The following STAG1 variants were observed in gnomAD, a reference collection of about 807,000 sequenced individuals.
STAG1 encodes the protein STAG1 cohesin complex component, also known as cohesin subunit SA-1.
In STAG1, 26 loss-of-function variants were observed where a neutral mutation model predicts 170.9. That is an observed-to-expected ratio of 0.15 (90% confidence interval 0.11 to 0.21). STAG1 has a LOEUF of 0.21. Ranked by LOEUF, STAG1 falls within the 10% of genes least tolerant of loss-of-function variation. The pLI is 1.00. For missense variants in STAG1, 964 were observed against 1,509.5 expected, an observed-to-expected ratio of 0.64 and a Z score of 5.99; for synonymous variants, 514 against 497.7, an observed-to-expected ratio of 1.03 and a Z score of -0.44.
chr3:136,708,090 A>G (rs879453850), intron 1 of STAG1, among the ~76,000 whole-genome samples: 10 of 152,216 alleles, frequency 6.6e-5, no homozygotes, highest in Non-Finnish European at 1.3e-4. Flanking sequence ...ACAATTTGGC[A>G]TTTCTCAAAA....
intron 16 of STAG1, among the ~76,000 whole-genome samples, chr3:136,425,707 T>A (rs1040122693): frequency 1.3e-5 from 2 of 150,124 alleles, no homozygotes; most frequent in Admixed American, 6.7e-5. Flanking sequence ...TATGTATGTA[T>A]GTTTATATAT....
chr3:136,391,894 T>C (rs1441808863), intron 22 of STAG1, among the ~76,000 whole-genome samples: 1 of 152,208 alleles, frequency 6.6e-6, no homozygotes, highest in East Asian at 1.9e-4. Context: ...GAGGAAAACC[T>C]ATTGGTGAAA....
At chr3:136,652,194 AGTCATAAC>A (rs1553760938) in intron 1 of STAG1, among the ~76,000 whole-genome samples, 5 of 152,254 alleles carry the variant, frequency 3.3e-5, no homozygotes, top group Admixed American at 2.0e-4. Context: ...AACAGCTGCA[AGTCATAAC>A]TTATACAATT....
At chr3:136,475,284 T>C (rs2089721238) in intron 10 of STAG1, among the ~76,000 whole-genome samples, 1 of 151,640 alleles carries the variant, frequency 6.6e-6, no homozygotes, top group Non-Finnish European at 1.5e-5. Flanking sequence ...GTAGCTGAAA[T>C]TACAGGTGCC....
chr3:136,739,865 A>T (rs1559983204), intron 1 of STAG1, among the ~76,000 whole-genome samples: 1 of 152,054 alleles, frequency 6.6e-6, no homozygotes, highest in Non-Finnish European at 1.5e-5. Flanking sequence ...ACACACACAC[A>T]TACACACATA....
rs1559881966 is a variant in STAG1, at chr3:136,565,021, G to GGCAGGCAGGCAGGCAGGCAGGCAC, written c.394+3743_394+3744insGTGCCTGCCTGCCTGCCTGCCTGC. Among the ~76,000 whole-genome samples, 57 of 95,718 alleles carry GGCAGGCAGGCAGGCAGGCAGGCAC rather than the reference G, an allele frequency of 6.0e-4. 3 individuals carry two copies. The highest frequency in any genetic ancestry group is 3.5e-3 in the African/African-American group (53 of 14,968). The allele number at this position is 95,718 out of a possible 152,430, so 62.8% of individuals were successfully genotyped here. A position where few individuals can be genotyped will look rare whatever the true frequency, so the allele number is the denominator to read the frequency against. On this transcript the variant is annotated intron_variant, in intron 5 of 33. Coordinates refer to ENST00000383202, the MANE Select transcript of STAG1 (RefSeq NM_005862.3). ...AGGAAGGAAGGAAGGAAGGCAGGCA[G>GGCAGGCAGGCAGGCAGGCAGGCAC]GCAGGCAGGCAGGCAGGCAGAAGGG...
chr3:136,393,579 C>T (rs983584461), intron 22 of STAG1, among the ~76,000 whole-genome samples: 3 of 151,388 alleles, frequency 2.0e-5, no homozygotes, highest in African/African-American at 7.3e-5. Flanking sequence ...AAGTCCCTTC[C>T]TACGCTTCAT....
chr3:136,539,535 A>G (rs1338792348), intron 6 of STAG1, among the ~76,000 whole-genome samples: 2 of 152,224 alleles, frequency 1.3e-5, no homozygotes, highest in Non-Finnish European at 2.9e-5. Context: ...TACTTAAAAC[A>G]TATGAAAACT....
At chr3:136,604,173 T>C (rs1938821701) in intron 4 of STAG1, 136 bp downstream of exon 4, 1 of 723,364 alleles carries the variant, frequency 1.4e-6, no homozygotes. Context: ...AGCAAAATAA[T>C]AACCTTTCAG....
intron 10 of STAG1, among the ~76,000 whole-genome samples, chr3:136,475,733 T>C (rs1576507254): frequency 1.3e-5 from 2 of 152,162 alleles, no homozygotes; most frequent in African/African-American, 4.8e-5. Flanking sequence ...TTGTACAACA[T>C]TTCTACACTG....
rs374048181 is a variant in STAG1 at position 136,712,923 on chromosome 3, T to C, written c.-84+39272A>G. Among the ~76,000 whole-genome samples, 21 of 152,108 alleles carry C rather than the reference T, an allele frequency of 1.4e-4. No individual in the cohort carries two copies. The South Asian group carries it at 3.1e-3, about 23-fold the overall frequency. On this transcript the variant is annotated intron_variant, in intron 1 of 33. Transcript: ENST00000383202. ...CTGGCCAACATGGCGAAACTTCATCTCTACGAAAAATACAAAAATTAGCCA... is the reference window on the plus strand; with the variant it reads ...CTGGCCAACATGGCGAAACTTCATCCCTACGAAAAATACAAAAATTAGCCA...
intron 23 of STAG1, among the ~76,000 whole-genome samples, chr3:136,376,009 T>TAAATAAAC (rs1553796024): frequency 1.2e-4 from 4 of 32,296 alleles, no homozygotes; most frequent in African/African-American, 2.9e-4. Flanking sequence ...AATAAATAAA[T>TAAATAAAC]AATTAACAAA....
intron 1 of STAG1, among the ~76,000 whole-genome samples, chr3:136,661,091 C>T (rs1232954478): frequency 6.6e-6 from 1 of 152,118 alleles, no homozygotes; most frequent in East Asian, 1.9e-4. Flanking sequence ...AGTGAACAGG[C>T]TAGCAACAAA....
At chr3:136,554,616 C>T (rs1396613856) in intron 5 of STAG1, among the ~76,000 whole-genome samples, 2 of 152,138 alleles carry the variant, frequency 1.3e-5, no homozygotes, top group African/African-American at 2.4e-5. Context: ...TGCTTCTGAA[C>T]AGGCACAGTG....
chr3:136,340,641 G>A, intron 31 of STAG1, 36 bp from the exon 32 acceptor site: 16 of 1,374,296 alleles, frequency 1.2e-5, no homozygotes, highest in Non-Finnish European at 1.5e-5. Flanking sequence ...AAGCTCATCA[G>A]ACTCCACCAT....
intron 3 of STAG1, among the ~76,000 whole-genome samples, chr3:136,613,456 C>T (rs374916510): frequency 6.6e-6 from 1 of 151,940 alleles, no homozygotes. Context: ...TTTGCAGTTC[C>T]CAAATGACAA....
At chr3:136,503,621 A>C (rs1933599357) in intron 7 of STAG1, among the ~76,000 whole-genome samples, 1 of 152,188 alleles carries the variant, frequency 6.6e-6, no homozygotes, top group Admixed American at 6.5e-5. Flanking sequence ...GCAAGTATGA[A>C]CATTTGGTTA....
intron 11 of STAG1, 76 bp downstream of exon 11, chr3:136,473,463 T>G: frequency 9.2e-7 from 1 of 1,083,622 alleles, no homozygotes; most frequent in South Asian, 1.4e-5. Flanking sequence ...TGTATGATAA[T>G]GTAATTTGCT....
intron 1 of STAG1, among the ~76,000 whole-genome samples, chr3:136,751,804 C>CGGGCGGGGGGGGGCGGGGGG (rs1187807950): frequency 8.3e-6 from 1 of 121,066 alleles, no homozygotes; most frequent in African/African-American, 3.8e-5. Flanking sequence ...CCCGAGAGCC[C>CGGGCGGGGGGGGGCGGGGGG]GGGCGGGGGG....
Sources: allele counts gnomAD v4.1 joint callset (sites outside exome capture counted in the v4.1 genomes callset), GRCh38; gene constraint gnomAD v4.1.1; transcripts MANE v1.5; gene names NCBI Gene and HGNC (gene_info 2026-07-23, HGNC 2026-07-21).